COLEC10: variants seen among roughly 807,000 people sequenced by gnomAD.
COLEC10 encodes collectin-10.
A neutral mutation model predicts 28.4 loss-of-function variants in COLEC10; 22 were observed. That is an observed-to-expected ratio of 0.78 (90% CI 0.55 to 1.11). COLEC10 has a LOEUF of 1.11. COLEC10 is among the 50% of genes least tolerant of loss of function. The probability of loss-of-function intolerance (pLI) is 0.00; values close to 1 mark genes in which losing one functional copy is unlikely to be tolerated. For missense variants in COLEC10, 361 were observed against 344.1 expected, an observed-to-expected ratio of 1.05 and a Z score of -0.39; for synonymous variants, 125 against 116.1, an observed-to-expected ratio of 1.08 and a Z score of -0.49.
At chr8:119,000,237 A>G (rs974713853) in intron 1 of COLEC10, among the ~76,000 whole-genome samples, 1 of 152,160 alleles carries the variant, frequency 6.6e-6, no homozygotes, top group African/African-American at 2.4e-5. Context: ...CTATCTTGCA[A>G]TGTTTTCAGC....
In COLEC10 at chr8:119,106,411, G is replaced by A. The variant is rs2130314943; in HGVS notation, c.*220G>A. On this transcript the variant is annotated 3_prime_UTR_variant, in exon 6 of 6. Coordinates refer to ENST00000332843, the MANE Select transcript of COLEC10 (RefSeq NM_006438.5). Reference sequence around the variant, plus strand: ...CCCAATAACTCGCCAGGTTACATGGGTCTTGAGAGAGAATTTTAATTACTA... The same window carrying A: ...CCCAATAACTCGCCAGGTTACATGGATCTTGAGAGAGAATTTTAATTACTA... The A allele has an allele frequency of 2.1e-6, 1 of 466,944 alleles. No individual in the cohort carries two copies. Among genetic ancestry groups the A allele is most frequent in the African/African-American group, 1.9e-5 (1 of 52,116 alleles). The allele number at this position is 466,944 out of a possible 1,614,324, so 28.9% of individuals were successfully genotyped here.
At position 119,004,618 on chromosome 8, in the gene COLEC10, G is replaced by GAT. The variant is rs1370157055; in HGVS notation, n.123-4812_123-4811dup. Reference sequence around the variant, plus strand: ...CAAGAATTGAGAATATCAATGCAGAGATATATATATATCTCCAGATATCCA... The same window carrying GAT: ...CAAGAATTGAGAATATCAATGCAGAGATATATATATATATCTCCAGATATCCA... On this transcript the variant is annotated intron_variant and non_coding_transcript_variant, in intron 1 of 6. Transcript: ENST00000521788. 2.8e-4 allele frequency among the ~76,000 whole-genome samples: 42 copies of GAT among 150,562 alleles called. No individual in the cohort carries two copies. In the South Asian group the frequency reaches 4.0e-3, roughly 14 times the overall value.
chr8:118,978,949 A>G, the COLEC10 span, among the ~76,000 whole-genome samples: 1 of 151,994 alleles, frequency 6.6e-6, no homozygotes. Context: ...AATCTAATTT[A>G]CCAGTTTGTC....
intron 1 of COLEC10, among the ~76,000 whole-genome samples, chr8:119,002,754 T>C (rs147442801): frequency 4.6e-4 from 70 of 152,256 alleles, no homozygotes; most frequent in African/African-American, 1.6e-3. Flanking sequence ...CCAGGCTAGC[T>C]AGAAAACAGG....
Position 119,053,458 on chromosome 8 carries a change from T to C in COLEC10, n.236-36222T>C, listed in dbSNP as rs147806534. Among the ~76,000 whole-genome samples, 16 of 152,238 alleles carry C rather than the reference T, an allele frequency of 1.1e-4. 1 individual carries two copies. The highest frequency in any genetic ancestry group is 3.9e-4 in the African/African-American group (16 of 41,548). ...TGAGTACCCGAAGGTGTCTGGCACC[T>C]GGCTTCCACATTTCCTAACATACAC... is the stretch of plus-strand genomic sequence containing the variant. On this transcript the variant is annotated intron_variant and non_coding_transcript_variant, in intron 2 of 6. Coordinates refer to the COLEC10 transcript ENST00000521788.
Position 119,107,761 on chromosome 8 carries a change from T to G in COLEC10, c.*1570T>G, listed in dbSNP as rs1815979283. Among the ~76,000 whole-genome samples, 1 of 152,198 alleles carries G rather than the reference T, an allele frequency of 6.6e-6. No homozygotes were observed. On this transcript the variant is annotated 3_prime_UTR_variant, in exon 6 of 6. Transcript: ENST00000332843. ...AAGGAGCCAGCTGCTCCTCAGTGGC[T>G]GCTGCTGGTGCTAGGGAGGACCCAA...
At chr8:119,098,229 C>A (rs1410660741) in intron 3 of COLEC10, among the ~76,000 whole-genome samples, 1 of 151,876 alleles carries the variant, frequency 6.6e-6, no homozygotes, top group Non-Finnish European at 1.5e-5. Flanking sequence ...ACAGTCTTAA[C>A]CCTTGAATAA....
intron 1 of COLEC10, among the ~76,000 whole-genome samples, chr8:119,073,394 G>C (rs1289497524): frequency 1.7e-5 from 1 of 58,012 alleles, no homozygotes; most frequent in African/African-American, 4.4e-5. Context: ...CAGTCACCTT[G>C]ATGCAAGTTA....
chr8:119,077,856 G>A (rs1004949495), intron 1 of COLEC10, among the ~76,000 whole-genome samples: 2 of 152,106 alleles, frequency 1.3e-5, no homozygotes, highest in African/African-American at 4.8e-5. Context: ...GCCATAATAT[G>A]AAGGAATACC....
intron 1 of COLEC10, among the ~76,000 whole-genome samples, chr8:119,088,692 G>A (rs758812776): frequency 2.2e-4 from 33 of 152,114 alleles, no homozygotes; most frequent in Admixed American, 1.3e-4. Flanking sequence ...TGTGTGTTGT[G>A]TTCTTTGTTT....
the COLEC10 span, among the ~76,000 whole-genome samples, chr8:118,975,606 A>G: frequency 6.6e-5 from 10 of 152,048 alleles, no homozygotes; most frequent in Admixed American, 6.6e-5. Context: ...ATAACTGGTA[A>G]GGTCTCCTGG....
At chr8:118,999,329 G>A (rs1030537310) in intron 1 of COLEC10, among the ~76,000 whole-genome samples, 5 of 150,074 alleles carry the variant, frequency 3.3e-5, no homozygotes, top group South Asian at 2.1e-4. Context: ...AAGAGCAATC[G>A]CCTGTAATCC....
At chr8:119,071,523 C>T (rs545908235) in intron 1 of COLEC10, among the ~76,000 whole-genome samples, 1 of 152,306 alleles carries the variant, frequency 6.6e-6, no homozygotes, top group East Asian at 1.9e-4. Context: ...AAGGATAGTT[C>T]CTTCTCCTCA....
chr8:118,982,008 G>T, the COLEC10 span, among the ~76,000 whole-genome samples: 2,373 of 143,720 alleles, frequency 0.017, 64 homozygotes, highest in African/African-American at 0.059. Context: ...TTTTTTTTTT[G>T]ACTTTATAAA....
intron 3 of COLEC10, among the ~76,000 whole-genome samples, chr8:119,099,114 C>T (rs1284034010): frequency 1.3e-5 from 2 of 152,002 alleles, no homozygotes; most frequent in Non-Finnish European, 2.9e-5. Context: ...TCCATTTACG[C>T]TGAAAGCATT....
intron 2 of COLEC10, among the ~76,000 whole-genome samples, chr8:119,038,112 A>G (rs1303999406): frequency 6.6e-6 from 1 of 152,202 alleles, no homozygotes; most frequent in Non-Finnish European, 1.5e-5. Flanking sequence ...GATTCTCGCT[A>G]TTTGCTGTTG....
chr8:118,975,745 T>C, the COLEC10 span, among the ~76,000 whole-genome samples: 1 of 151,976 alleles, frequency 6.6e-6, no homozygotes, highest in Admixed American at 6.6e-5. Flanking sequence ...AAGAACTGAA[T>C]GTCAAGGAGA....
At chr8:119,028,666 G>T (rs980476422) in intron 2 of COLEC10, among the ~76,000 whole-genome samples, 1 of 152,152 alleles carries the variant, frequency 6.6e-6, no homozygotes, top group Admixed American at 6.5e-5. Context: ...GTTGAGATTT[G>T]GGTGGGGACA....
upstream of COLEC10, chr8:119,063,267 G>C (rs1314059816): frequency 6.6e-6 from 1 of 152,196 alleles, no homozygotes; most frequent in Non-Finnish European, 1.5e-5. Flanking sequence ...CAAGAATGGT[G>C]TGTTAGTTTC....
Sources: gnomAD v4.1 joint callset for allele counts (sites outside exome capture counted in the v4.1 genomes callset) on GRCh38, gnomAD v4.1.1 for gene constraint, MANE v1.5 for transcripts, NCBI Gene and HGNC (gene_info 2026-07-23, HGNC 2026-07-21) for gene names.